ACSL5: variants seen among roughly 807,000 people sequenced by gnomAD.
The protein encoded by ACSL5 is long-chain-fatty-acid--CoA ligase 5.
A neutral mutation model predicts 84.9 loss-of-function variants in ACSL5; 50 were observed. The ratio of observed to expected loss-of-function variants is 0.59; its 90% CI spans 0.47 to 0.75. The LOEUF (loss-of-function observed/expected upper bound fraction) is 0.75. Among genes scored for constraint, ACSL5 ranks in the 30% least tolerant of loss-of-function variants. The pLI is 0.00. For synonymous variants in ACSL5, 280 were observed against 300.7 expected (o/e 0.93, Z 0.71); for missense variants, 775 against 830.4 (o/e 0.93, Z 0.82).
intron 5 of ACSL5, among the ~76,000 whole-genome samples, chr10:112,407,686 A>G (rs1365443598): frequency 3.9e-5 from 6 of 152,164 alleles, no homozygotes; most frequent in Non-Finnish European, 8.8e-5. Context: ...GCCAAACCAT[A>G]TCACTATTCT....
In ACSL5 at chr10:112,417,882, G is replaced by A. The variant is rs1190261592; in HGVS notation, c.1255G>A (p.Gly419Arg). 6.2e-7 allele frequency: 1 copy of A among 1,613,854 alleles called. No individual in the cohort carries two copies. Among genetic ancestry groups the A allele is most frequent in the Non-Finnish European group, 8.5e-7 (1 of 1,179,952 alleles). ...LGGRVRVIVTGAAPMSTSVMT... is the reference protein window; with the variant it reads ...LGGRVRVIVTRAAPMSTSVMT... ...CGGAAGGGTTCGTGTAATTGTCACT[G>A]GAGCTGCCCCCATGTCCACTTCAGT... is the stretch of plus-strand genomic sequence containing the variant. Residue 419 changes from glycine to arginine, a missense_variant, in exon 14 of 21, where the codon GGA (glycine) becomes AGA (arginine). By Grantham distance (125) the Gly-to-Arg change is moderately radical (BLOSUM62 -2). Transcript: ENST00000354655.
At position 112,417,001 on chromosome 10, in the gene ACSL5, G is replaced by A. The variant is rs746759797; in HGVS notation, c.1197G>A (p.Lys399=). The change falls in exon 13 of 21, where the codon AAG becomes AAA. Residue 399 remains lysine (K), a synonymous_variant. Transcript: ENST00000354655. ...TCAGGCATGATAGTTTCTGGGACAAGCTCATCTTTGCAAAGATCCAGGTAG... is the reference window on the plus strand; with the variant it reads ...TCAGGCATGATAGTTTCTGGGACAAACTCATCTTTGCAAAGATCCAGGTAG... ...GIIRHDSFWD[K]LIFAKIQDSL... is the part of the protein sequence containing the mutation. 4 of 1,613,848 alleles carry A rather than the reference G, an allele frequency of 2.5e-6. No homozygotes were observed. The highest frequency in any genetic ancestry group is 1.6e-4 in the Middle Eastern group (1 of 6,082).
chr10:112,384,666 C>T (rs894958295), intron 1 of ACSL5, among the ~76,000 whole-genome samples: 9 of 152,046 alleles, frequency 5.9e-5, no homozygotes, highest in Non-Finnish European at 4.4e-5. Context: ...CACCGCCAAG[C>T]GAGGCTAATT....
Position 112,391,931 on chromosome 10 carries a change from G to C in ACSL5, c.-29-2987G>C, listed in dbSNP as rs775458215. 3.9e-5 allele frequency among the ~76,000 whole-genome samples: 6 copies of C among 152,184 alleles called. No homozygotes were observed. In the East Asian group the frequency reaches 1.2e-3, roughly 29 times the overall value. ...TTCTCCCATATGTATTACCAGTCAG[G>C]TTATTCACTCTTCTTCCTGACCCCA... On this transcript the variant is annotated intron_variant, in intron 1 of 20. Coordinates refer to ENST00000354655, the MANE Select transcript of ACSL5 (RefSeq NM_203379.2).
chr10:112,400,371 A>G (rs1029300623), intron 3 of ACSL5, among the ~76,000 whole-genome samples: 2 of 147,634 alleles, frequency 1.4e-5, no homozygotes, highest in Non-Finnish European at 1.5e-5. Context: ...ATGTGCTGCC[A>G]CACCTGGCTA....
intron 5 of ACSL5, 74 bp downstream of exon 5, chr10:112,404,880 C>A: frequency 7.6e-7 from 1 of 1,315,948 alleles, no homozygotes; most frequent in Non-Finnish European, 1.1e-6. Context: ...ATTCCCCGTC[C>A]AGCATTCCAA....
chr10:112,395,144 A>G, intron 2 of ACSL5, 42 bp downstream of exon 2: 1 of 1,583,434 alleles, frequency 6.3e-7, no homozygotes, highest in Admixed American at 1.7e-5. Context: ...ACCTTCCTCA[A>G]ACTCAAACTG....
rs1471861925 is a variant in ACSL5 at position 112,390,700 on chromosome 10, AG to A, written c.-29-4217del. On this transcript the variant is annotated intron_variant, in intron 1 of 20. Transcript: ENST00000354655. ...GATAGATAGATAGATAGATAGATAG[AG>A]TGTAGTCTATCCATACAATGGGATA... Among the ~76,000 whole-genome samples the A allele has an allele frequency of 3.3e-5, 5 of 149,294 alleles. No individual in the cohort carries two copies. The Admixed American group carries it at 3.4e-4, about 10-fold the overall frequency.
At chr10:112,410,432 GTCTT>G (rs1240361867) in intron 7 of ACSL5, 27 bp from the exon 8 acceptor site, 2 of 1,613,702 alleles carry the variant, frequency 1.2e-6, no homozygotes, top group Non-Finnish European at 1.7e-6. Flanking sequence ...CTCAACTAAT[GTCTT>G]TCTTTCTTGG....
intron 1 of ACSL5, among the ~76,000 whole-genome samples, chr10:112,378,194 C>CTTATA (rs1435729412): frequency 1.7e-5 from 2 of 116,780 alleles, no homozygotes; most frequent in Admixed American, 1.8e-4. Flanking sequence ...AGTAGGTACT[C>CTTATA]TTATATTTAA....
In ACSL5 at chr10:112,394,946, G is replaced by T; in HGVS notation, c.-1G>T. ...TGAATTTCCTGCTGCTGTTCACAAA[G>T]ATGCTTTTTATCTTTAACTTTTTGT... On this transcript the variant is annotated 5_prime_UTR_variant, in exon 2 of 21. Coordinates refer to ENST00000354655, the MANE Select transcript of ACSL5 (RefSeq NM_203379.2). 6.2e-7 allele frequency: 1 copy of T among 1,613,266 alleles called. No homozygotes were observed. Among genetic ancestry groups the T allele is most frequent in the South Asian group, 1.1e-5 (1 of 91,052 alleles).
chr10:112,411,844 G>A (rs1589691879), intron 10 of ACSL5, 58 bp from the exon 11 acceptor site: 6 of 1,487,996 alleles, frequency 4.0e-6, no homozygotes, highest in East Asian at 4.5e-5. Flanking sequence ...ATCTCCATTG[G>A]AATTGAAAGT....
chr10:112,417,989 A>G (rs1844359063), intron 14 of ACSL5, 48 bp downstream of exon 14: 2 of 1,402,282 alleles, frequency 1.4e-6, no homozygotes, highest in Non-Finnish European at 2.0e-6. Context: ...CTTTTGCACA[A>G]ACAGGCTCAC....
intron 6 of ACSL5, 41 bp from the exon 7 acceptor site, chr10:112,409,466 C>G: frequency 6.3e-7 from 1 of 1,594,882 alleles, no homozygotes; most frequent in Admixed American, 1.7e-5. Context: ...AGGTACTTAG[C>G]AGAGAGAGGG....
Position 112,414,276 on chromosome 10 carries a change from A to G in ACSL5, c.1083+969A>G, listed in dbSNP as rs574133246. 3.0e-4 allele frequency among the ~76,000 whole-genome samples: 45 copies of G among 152,162 alleles called. No homozygotes were observed. In the South Asian group the frequency reaches 7.1e-3, roughly 24 times the overall value. On this transcript the variant is annotated intron_variant, in intron 12 of 20. Transcript: ENST00000354655. ...TGGATTTGTGCCTCAGCAATCTTCA[A>G]AAGTAGCCAATGAGATTTTCTCTTT... is the stretch of plus-strand genomic sequence containing the variant.
At chr10:112,407,546 G>T (rs781381127) in intron 5 of ACSL5, among the ~76,000 whole-genome samples, 4 of 151,978 alleles carry the variant, frequency 2.6e-5, no homozygotes, top group Admixed American at 1.3e-4. Context: ...GAATGGGTAC[G>T]CAGCTAAACC....
intron 10 of ACSL5, 28 bp downstream of exon 10, chr10:112,411,557 T>C (rs1351806775): frequency 6.3e-7 from 1 of 1,590,860 alleles, no homozygotes; most frequent in Admixed American, 1.7e-5. Flanking sequence ...AAAGAGGCTC[T>C]CATTAAAATG....
At chr10:112,411,874 C>T (rs769303365) in intron 10 of ACSL5, 28 bp from the exon 11 acceptor site, 29 of 1,592,912 alleles carry the variant, frequency 1.8e-5, no homozygotes, top group Non-Finnish European at 2.5e-5. Context: ...TCTCATGTTG[C>T]CTCCTCTTAC....
intron 19 of ACSL5, 162 bp downstream of exon 19, chr10:112,426,521 C>A (rs917086046): frequency 1.6e-6 from 1 of 636,366 alleles, no homozygotes; most frequent in Non-Finnish European, 2.7e-6. Flanking sequence ...AAATAAAACT[C>A]TCTTTTCTAT....
Sources: allele counts gnomAD v4.1 joint callset (sites outside exome capture counted in the v4.1 genomes callset), GRCh38; gene constraint gnomAD v4.1.1; transcripts MANE v1.5; gene names NCBI Gene and HGNC (gene_info 2026-07-23, HGNC 2026-07-21).